Variants in SHQ1 observed in about 807,000 individuals in gnomAD.
The protein encoded by SHQ1 is protein SHQ1 homolog.
Under a neutral mutation model 53.8 loss-of-function variants are expected in SHQ1, and 49 were observed. That is an observed-to-expected ratio of 0.91 (90% CI 0.72 to 1.16). The LOEUF is 1.16. Among genes scored for constraint, SHQ1 ranks in the 50% most tolerant of loss-of-function variants. The pLI, the probability that SHQ1 is intolerant of heterozygous loss-of-function variation, is 0.00. For missense variants in SHQ1, 738 were observed against 683.1 expected, an observed-to-expected ratio of 1.08 and a Z score of -0.90; for synonymous variants, 243 against 251.0, an observed-to-expected ratio of 0.97 and a Z score of 0.30.
chr3:72,734,800 A>T, the SHQ1 span, among the ~76,000 whole-genome samples: 1 of 151,682 alleles, frequency 6.6e-6, no homozygotes, highest in African/African-American at 2.4e-5. Context: ...ACCACCAGGG[A>T]TCGTCGCACT....
the SHQ1 span, among the ~76,000 whole-genome samples, chr3:72,733,493 G>A: frequency 6.6e-6 from 1 of 151,636 alleles, no homozygotes; most frequent in African/African-American, 2.4e-5. Flanking sequence ...CTAGAAACCA[G>A]TATGGTCTAG....
rs182537370 is a variant in SHQ1 at position 72,788,613 on chromosome 3, C to A, written c.1181+4303G>T. ...GCTCATTGAGAACAGGCCATGATGA[C>A]GATGGCAGTTTTGTCGAACAGAAAA... On this transcript the variant is annotated intron_variant, in intron 10 of 10. Transcript: ENST00000325599. 9.0e-3 allele frequency among the ~76,000 whole-genome samples: 1,366 copies of A among 152,260 alleles called. 17 individuals carry two copies. The highest frequency in any genetic ancestry group is 0.012 in the Admixed American group (191 of 15,304).
At chr3:72,748,329 CAAAAAAAAAAAAA>C (rs572927520), downstream of SHQ1, among the ~76,000 whole-genome samples, 52 of 58,784 alleles carry the variant, frequency 8.8e-4, 1 homozygote, top group East Asian at 8.0e-3. Context: ...ATGAGGCATG[CAAAAAAAAAAAAA>C]AAAAAAAAAA....
intron 10 of SHQ1, among the ~76,000 whole-genome samples, chr3:72,788,195 C>T (rs1283374759): frequency 6.6e-6 from 1 of 151,246 alleles, no homozygotes; most frequent in Non-Finnish European, 1.5e-5. Flanking sequence ...ATGTGAGGAG[C>T]CCCTCTGCCC....
intron 9 of SHQ1, among the ~76,000 whole-genome samples, chr3:72,804,754 CT>C (rs1559680495): frequency 1.3e-5 from 2 of 152,272 alleles, no homozygotes; most frequent in East Asian, 3.9e-4. Flanking sequence ...CTTTGGGAGG[CT>C]GAGGCAGGAG....
chr3:72,764,550 T>C (rs946677554), intron 10 of SHQ1, among the ~76,000 whole-genome samples: 5 of 152,186 alleles, frequency 3.3e-5, no homozygotes, highest in Admixed American at 2.6e-4. Flanking sequence ...CCCTAGACTA[T>C]CTAAGGAGAA....
chr3:72,783,056 A>C (rs1706116976), intron 10 of SHQ1, among the ~76,000 whole-genome samples: 1 of 152,204 alleles, frequency 6.6e-6, no homozygotes, highest in African/African-American at 2.4e-5. Context: ...GAAGGAAAAT[A>C]GCAATTTGCT....
At chr3:72,811,298 A>G (rs1707115035) in intron 9 of SHQ1, among the ~76,000 whole-genome samples, 1 of 152,254 alleles carries the variant, frequency 6.6e-6, no homozygotes, top group Non-Finnish European at 1.5e-5. Context: ...GTTTAAGTCC[A>G]TGAATAATGC....
rs1466488503 is a variant in SHQ1 at position 72,846,216 on chromosome 3, T to C, written c.144-1793A>G. The C allele has an allele frequency of 2.0e-6, 3 of 1,535,648 alleles. No homozygotes were observed. The African/African-American group carries it at 4.1e-5, about 21-fold the overall frequency. On this transcript the variant is annotated intron_variant, in intron 1 of 10. Coordinates refer to ENST00000325599, the MANE Select transcript of SHQ1 (RefSeq NM_018130.3). ...GCAGAGAAAATTATATTTGCTTACA[T>C]GGGGCCTCCGCAGCTACAGTCTCCA...
Position 72,841,153 on chromosome 3 carries a change from A to G in SHQ1, c.378T>C (p.Asp126=), listed in dbSNP as rs370464493. 675 of 1,613,676 alleles carry G rather than the reference A, an allele frequency of 4.2e-4. No individual in the cohort carries two copies. The highest frequency in any genetic ancestry group is 5.6e-4 in the Non-Finnish European group (658 of 1,179,896). Residue 126 remains aspartate, a synonymous_variant, in exon 4 of 11, where the codon GAT becomes GAC. Coordinates refer to ENST00000325599, the MANE Select transcript of SHQ1 (RefSeq NM_018130.3). Reference sequence around the variant, plus strand: ...CACAGGGTGTCTGCTCAATTTCCCAATCAAACTCTTCATCGTCAACTACTT... The same window carrying G: ...CACAGGGTGTCTGCTCAATTTCCCAGTCAAACTCTTCATCGTCAACTACTT... ...PEEVVDDEEF[D]WEIEQTPCEE... is the part of the protein sequence containing the mutation.
chr3:72,791,597 A>G (rs1380449713), intron 10 of SHQ1, among the ~76,000 whole-genome samples: 2 of 152,240 alleles, frequency 1.3e-5, no homozygotes, highest in Non-Finnish European at 2.9e-5. Context: ...TTTATCAATC[A>G]TGGCGGTAGC....
intron 4 of SHQ1, among the ~76,000 whole-genome samples, chr3:72,836,999 T>C (rs1575736683): frequency 6.6e-6 from 1 of 152,190 alleles, no homozygotes; most frequent in Non-Finnish European, 1.5e-5. Flanking sequence ...CAGGTCCCTG[T>C]GTAGCCAAAA....
At chr3:72,837,220 G>C (rs954101944) in intron 4 of SHQ1, among the ~76,000 whole-genome samples, 1 of 152,194 alleles carries the variant, frequency 6.6e-6, no homozygotes. Context: ...AAAAAGACTG[G>C]GGATAGGAAG....
Position 72,792,961 on chromosome 3 carries a change from T to C in SHQ1, c.1136A>G (p.Asn379Ser), listed in dbSNP as rs767279001. The change falls in exon 10 of 11, where the codon AAT becomes AGT. Residue 379 changes from asparagine to serine, a missense_variant. Physicochemically the swap from Asn to Ser is conservative, Grantham distance 46. Transcript: ENST00000325599. ...FQENDPAYIL[N>S]DLYISDYCVW... ...ACAGTAGTCTGAGATGTAGAGATCA[T>C]TCAGTATGTACGCTGGGTCATTTTC... 1.2e-6 allele frequency: 2 copies of C among 1,612,076 alleles called. No individual in the cohort carries two copies. The highest frequency in any genetic ancestry group is 1.1e-5 in the South Asian group (1 of 90,836).
chr3:72,846,774 G>T (rs1708344413), intron 1 of SHQ1, among the ~76,000 whole-genome samples: 2 of 152,096 alleles, frequency 1.3e-5, no homozygotes, highest in Admixed American at 6.5e-5. Context: ...GAGTTGGGGG[G>T]GTGCCCACAA....
chr3:72,775,911 A>C (rs571714970), intron 10 of SHQ1, among the ~76,000 whole-genome samples: 3 of 152,254 alleles, frequency 2.0e-5, no homozygotes, highest in African/African-American at 7.2e-5. Flanking sequence ...TATCTACAAA[A>C]GCAAATATCA....
chr3:72,814,644 G>A (rs1429742482), intron 8 of SHQ1: 1 of 152,092 alleles, frequency 6.6e-6, no homozygotes, highest in Admixed American at 6.5e-5. Flanking sequence ...ATATAATCTC[G>A]ATACTTTTTT....
chr3:72,744,933 G>T (rs1232078790), downstream of SHQ1, among the ~76,000 whole-genome samples: 1 of 144,076 alleles, frequency 6.9e-6, no homozygotes, highest in African/African-American at 2.5e-5. Flanking sequence ...TGGGGGGGGG[G>T]GGTGGTTTCT....
intron 10 of SHQ1, among the ~76,000 whole-genome samples, chr3:72,784,698 T>C (rs1352487727): frequency 6.6e-6 from 1 of 152,204 alleles, no homozygotes; most frequent in East Asian, 1.9e-4. Context: ...ATTTAACACT[T>C]AGCATTTCAC....
Sources: gnomAD v4.1 joint callset for allele counts (sites outside exome capture counted in the v4.1 genomes callset) on GRCh38, gnomAD v4.1.1 for gene constraint, MANE v1.5 for transcripts, NCBI Gene and HGNC (gene_info 2026-07-23, HGNC 2026-07-21) for gene names.